Variants in NCKAP5 observed in about 807,000 individuals in gnomAD.
NCKAP5 encodes nck-associated protein 5.
NCKAP5 carries 92 observed loss-of-function variants against 167.0 expected under a neutral mutation model. The ratio of observed to expected loss-of-function variants is 0.55; its 90% confidence interval spans 0.47 to 0.66. The LOEUF (loss-of-function observed/expected upper bound fraction) is 0.66, where lower values mean the gene tolerates loss of function less well. Ranked by LOEUF, NCKAP5 falls within the 30% of genes least tolerant of loss-of-function variation. The pLI, the probability that NCKAP5 is intolerant of heterozygous loss-of-function variation, is 0.00. For synonymous variants in NCKAP5, 891 were observed against 877.4 expected, an observed-to-expected ratio of 1.02 and a Z score of -0.27; for missense variants, 2,378 against 2,315.0, an observed-to-expected ratio of 1.03 and a Z score of -0.56.
intron 4 of NCKAP5, among the ~76,000 whole-genome samples, chr2:133,293,252 T>A (rs566132925): frequency 1.3e-5 from 2 of 152,330 alleles, no homozygotes; most frequent in African/African-American, 4.8e-5. Flanking sequence ...TAAAGAACAG[T>A]GGGCAGATTT....
At chr2:133,449,094 A>G (rs966011454) in intron 3 of NCKAP5, among the ~76,000 whole-genome samples, 5 of 152,212 alleles carry the variant, frequency 3.3e-5, no homozygotes, top group Non-Finnish European at 7.3e-5. Context: ...GGCACTTATC[A>G]TATTGTATAA....
chr2:133,061,498 G>T (rs1193071617), intron 6 of NCKAP5, among the ~76,000 whole-genome samples: 2 of 152,118 alleles, frequency 1.3e-5, no homozygotes, highest in Non-Finnish European at 2.9e-5. Flanking sequence ...ACCTTATCAT[G>T]TACCATCGAA....
intron 16 of NCKAP5, among the ~76,000 whole-genome samples, chr2:132,753,534 C>A (rs1680286699): frequency 1.3e-5 from 2 of 152,154 alleles, no homozygotes; most frequent in Admixed American, 1.3e-4. Flanking sequence ...CTTTGGAAAA[C>A]AAATGTGCCT....
chr2:132,849,014 A>G (rs1411446382), intron 11 of NCKAP5, among the ~76,000 whole-genome samples: 2 of 152,332 alleles, frequency 1.3e-5, no homozygotes, highest in East Asian at 1.9e-4. Flanking sequence ...TGTCCGATGC[A>G]ATGTGAATGA....
chr2:133,384,115 A>T (rs1211163480), intron 3 of NCKAP5, among the ~76,000 whole-genome samples: 1 of 152,112 alleles, frequency 6.6e-6, no homozygotes, highest in African/African-American at 2.4e-5. Context: ...GGTGTTTTAG[A>T]CATGAAGTCC....
intron 5 of NCKAP5, among the ~76,000 whole-genome samples, chr2:133,181,375 T>C (rs966907475): frequency 6.6e-6 from 1 of 151,406 alleles, no homozygotes; most frequent in Admixed American, 6.6e-5. Context: ...TCCTAAAACA[T>C]GTTTACATGC....
chr2:132,973,751 A>G (rs534589714), intron 7 of NCKAP5, among the ~76,000 whole-genome samples: 2 of 151,998 alleles, frequency 1.3e-5, no homozygotes, highest in Non-Finnish European at 2.9e-5. Flanking sequence ...AAAAAAACAA[A>G]AAAGAAAACC....
intron 2 of NCKAP5, among the ~76,000 whole-genome samples, chr2:133,557,227 A>G (rs756996219): frequency 2.0e-5 from 3 of 152,164 alleles, no homozygotes; most frequent in Non-Finnish European, 2.9e-5. Context: ...TTCTCTCTGC[A>G]CACACACTCA....
chr2:132,895,150 T>C (rs1213392394), intron 8 of NCKAP5, among the ~76,000 whole-genome samples: 1 of 151,714 alleles, frequency 6.6e-6, no homozygotes, highest in Non-Finnish European at 1.5e-5. Context: ...GCTAACACGG[T>C]GAAACCCCGT....
chr2:133,073,699 A>G (rs2080500075), intron 6 of NCKAP5, among the ~76,000 whole-genome samples: 1 of 152,220 alleles, frequency 6.6e-6, no homozygotes, highest in Non-Finnish European at 1.5e-5. Flanking sequence ...AAAATTATTC[A>G]GCATACAACA....
the NCKAP5 span, among the ~76,000 whole-genome samples, chr2:133,674,744 A>C: frequency 6.6e-6 from 1 of 151,826 alleles, no homozygotes; most frequent in Non-Finnish European, 1.5e-5. Context: ...CTTTCATTCG[A>C]TCAATGTTCT....
intron 6 of NCKAP5, among the ~76,000 whole-genome samples, chr2:133,025,082 A>G (rs2149403072): frequency 6.6e-6 from 1 of 152,342 alleles, no homozygotes; most frequent in Middle Eastern, 3.4e-3. Context: ...CCCTAGAGAA[A>G]CGGACAAAGA....
At chr2:133,661,416 A>T in the NCKAP5 span, among the ~76,000 whole-genome samples, 1 of 152,230 alleles carries the variant, frequency 6.6e-6, no homozygotes, top group African/African-American at 2.4e-5. Flanking sequence ...ACTAGCATTT[A>T]AAATGGAGAG....
intron 7 of NCKAP5, 37 bp downstream of exon 7, chr2:132,994,115 G>T: frequency 1.4e-6 from 2 of 1,409,682 alleles, no homozygotes; most frequent in South Asian, 2.6e-5. Flanking sequence ...AAAACAAGCA[G>T]ACCAGTACCC....
rs993626694 is a variant in NCKAP5, at chr2:133,364,741, G to A, written c.70-61631C>T. Among the ~76,000 whole-genome samples the A allele has an allele frequency of 6.6e-5, 10 of 151,588 alleles. 1 individual carries two copies. Among genetic ancestry groups the A allele is most frequent in the Admixed American group, 6.6e-4 (10 of 15,242 alleles). On this transcript the variant is annotated intron_variant, in intron 3 of 19. Transcript: ENST00000409261. ...AGTAGATCACAGTGGAGCTCGTGAG[G>A]TCATTGTGTCTTTTTTTTTTCTTTT... is the stretch of plus-strand genomic sequence containing the variant.
intron 8 of NCKAP5, among the ~76,000 whole-genome samples, chr2:132,883,868 T>C (rs924603554): frequency 6.6e-6 from 1 of 152,210 alleles, no homozygotes; most frequent in African/African-American, 2.4e-5. Flanking sequence ...CTTTGGCAGG[T>C]GCTTGAAAAG....
the NCKAP5 span, among the ~76,000 whole-genome samples, chr2:133,638,869 A>AAAG: frequency 3.3e-5 from 5 of 152,044 alleles, no homozygotes; most frequent in Non-Finnish European, 4.4e-5. Flanking sequence ...AAAAAAAAAA[A>AAAG]AAAAGACTTA....
At chr2:133,167,795 T>C (rs2084062074) in intron 5 of NCKAP5, among the ~76,000 whole-genome samples, 1 of 152,168 alleles carries the variant, frequency 6.6e-6, no homozygotes, top group South Asian at 2.1e-4. Context: ...GGTTGAAAAT[T>C]CCATTTTCTA....
chr2:133,425,593 GTGAAA>G (rs1424568915), intron 3 of NCKAP5, among the ~76,000 whole-genome samples: 3 of 152,116 alleles, frequency 2.0e-5, no homozygotes, highest in African/African-American at 7.2e-5. Context: ...AGATGATAAA[GTGAAA>G]TCAAAATGAA....
Sources: allele counts gnomAD v4.1 joint callset (sites outside exome capture counted in the v4.1 genomes callset), GRCh38; gene constraint gnomAD v4.1.1; transcripts MANE v1.5; gene names NCBI Gene and HGNC (gene_info 2026-07-23, HGNC 2026-07-21).